Variants in NALF1 observed in about 807,000 individuals in gnomAD.
NALF1 encodes the protein family with sequence similarity 155 member A.
In NALF1, 3 loss-of-function variants were observed where a neutral mutation model predicts 48.4. That is an observed-to-expected ratio of 0.06 (90% CI 0.03 to 0.16). NALF1 has a LOEUF of 0.16. Among genes scored for constraint, NALF1 ranks in the 10% least tolerant of loss-of-function variants. The pLI is 1.00. For missense variants in NALF1, 526 were observed against 571.5 expected (o/e 0.92, Z 0.81); for synonymous variants, 262 against 245.7 (o/e 1.07, Z -0.62).
intron 1 of NALF1, among the ~76,000 whole-genome samples, chr13:107,449,248 A>G (rs1308749381): frequency 2.0e-5 from 3 of 152,100 alleles, no homozygotes; most frequent in African/African-American, 7.2e-5. Flanking sequence ...TGTCTCAAAA[A>G]AAGAATAAAA....
At chr13:107,786,188 G>A (rs761708826) in intron 1 of NALF1, among the ~76,000 whole-genome samples, 2 of 151,686 alleles carry the variant, frequency 1.3e-5, no homozygotes, top group East Asian at 1.9e-4. Context: ...AGGCTGAGGC[G>A]GGCAGATCAT....
At chr13:107,385,205 T>C (rs1206267061) in intron 1 of NALF1, among the ~76,000 whole-genome samples, 1 of 152,206 alleles carries the variant, frequency 6.6e-6, no homozygotes, top group Non-Finnish European at 1.5e-5. Context: ...TATTTCCTCC[T>C]CCTTTGGTTC....
Position 107,641,314 on chromosome 13 carries a change from C to T in NALF1, c.915+224368G>A, listed in dbSNP as rs114045996. ...ATGGGTATGAAAATACCATTCGATA[C>T]AAGGAGTAAGTTCTAGTATTCAACA... On this transcript the variant is annotated intron_variant, in intron 1 of 2. Coordinates refer to ENST00000375915, the MANE Select transcript of NALF1 (RefSeq NM_001080396.3). 5.3e-3 allele frequency among the ~76,000 whole-genome samples: 801 copies of T among 152,144 alleles called. 7 individuals carry two copies. Among genetic ancestry groups the T allele is most frequent in the African/African-American group, 0.018 (767 of 41,504 alleles).
intron 1 of NALF1, among the ~76,000 whole-genome samples, chr13:107,412,722 C>T (rs1884013190): frequency 6.6e-6 from 1 of 152,142 alleles, no homozygotes; most frequent in African/African-American, 2.4e-5. Context: ...AGAATATTTA[C>T]AATAGTATCG....
intron 2 of NALF1, 111 bp from the exon 3 acceptor site, chr13:107,170,897 A>G: frequency 1.0e-6 from 1 of 961,158 alleles, no homozygotes; most frequent in Non-Finnish European, 1.5e-6. Context: ...AGGCAATTAG[A>G]CATTTATTTA....
At chr13:107,862,368 A>G (rs2138651093) in intron 1 of NALF1, among the ~76,000 whole-genome samples, 1 of 152,208 alleles carries the variant, frequency 6.6e-6, no homozygotes, top group South Asian at 2.1e-4. Context: ...AGAATATTTC[A>G]TTTTTTAATA....
At chr13:107,689,247 G>A (rs763770790) in intron 1 of NALF1, among the ~76,000 whole-genome samples, 26 of 152,054 alleles carry the variant, frequency 1.7e-4, no homozygotes, top group Non-Finnish European at 3.1e-4. Flanking sequence ...TCATCTGTTC[G>A]CCCTCTTCCA....
Position 107,807,292 on chromosome 13 carries a change from T to C in NALF1, c.915+58390A>G, listed in dbSNP as rs58047155. On this transcript the variant is annotated intron_variant, in intron 1 of 2. Coordinates refer to ENST00000375915, the MANE Select transcript of NALF1 (RefSeq NM_001080396.3). ...CCAACTATTACCATGCATAAAAATA[T>C]ACTGTCATGCATTTTTGTATAATAT... 2.7e-3 allele frequency among the ~76,000 whole-genome samples: 415 copies of C among 152,310 alleles called. 1 individual carries two copies. Among genetic ancestry groups the C allele is most frequent in the African/African-American group, 8.6e-3 (359 of 41,576 alleles).
chr13:107,661,132 T>C (rs779584569), intron 1 of NALF1, among the ~76,000 whole-genome samples: 10 of 152,184 alleles, frequency 6.6e-5, no homozygotes, highest in Non-Finnish European at 1.0e-4. Flanking sequence ...TTCTAAATTC[T>C]AGGAACTTTC....
At chr13:107,320,542 C>G (rs1460304627) in intron 1 of NALF1, among the ~76,000 whole-genome samples, 2 of 151,964 alleles carry the variant, frequency 1.3e-5, no homozygotes, top group African/African-American at 2.4e-5. Flanking sequence ...CATGATGAAC[C>G]TAGAATGGGT....
At chr13:107,835,455 G>A (rs993551476) in intron 1 of NALF1, 6 of 152,286 alleles carry the variant, frequency 3.9e-5, no homozygotes, top group Admixed American at 2.6e-4. Context: ...AAAGCAGGAG[G>A]AATAAACCTC....
At chr13:107,853,695 A>G (rs139136875) in intron 1 of NALF1, among the ~76,000 whole-genome samples, 2,396 of 152,356 alleles carry the variant, frequency 0.016, 23 homozygotes, top group Non-Finnish European at 0.023. Flanking sequence ...TAAGACATAA[A>G]TATCAATAGA....
At chr13:107,283,848 CG>C (rs1299239247) in intron 1 of NALF1, among the ~76,000 whole-genome samples, 1 of 151,556 alleles carries the variant, frequency 6.6e-6, no homozygotes, top group Non-Finnish European at 1.5e-5. Context: ...TTAGTAGAGA[CG>C]GGGGTTTCAC....
intron 1 of NALF1, among the ~76,000 whole-genome samples, chr13:107,254,679 T>C (rs1467235171): frequency 6.6e-6 from 1 of 152,218 alleles, no homozygotes. Context: ...TGACATAACC[T>C]ACACAAGACT....
chr13:107,562,387 G>A (rs1187713330), intron 1 of NALF1, among the ~76,000 whole-genome samples: 3 of 152,182 alleles, frequency 2.0e-5, no homozygotes, highest in African/African-American at 7.2e-5. Context: ...CTGATCACAG[G>A]ACTGTTCTGG....
At chr13:107,441,456 G>A (rs563645157) in intron 1 of NALF1, among the ~76,000 whole-genome samples, 1 of 152,302 alleles carries the variant, frequency 6.6e-6, no homozygotes, top group South Asian at 2.1e-4. Flanking sequence ...TCTGCTGTGA[G>A]TAATACCGAA....
chr13:107,519,290 GT>G (rs1271147650), intron 1 of NALF1, among the ~76,000 whole-genome samples: 1 of 151,736 alleles, frequency 6.6e-6, no homozygotes, highest in African/African-American at 2.4e-5. Flanking sequence ...TAACAATAAA[GT>G]TGTATTGTGC....
intron 1 of NALF1, among the ~76,000 whole-genome samples, chr13:107,215,978 G>A (rs372260698): frequency 3.3e-4 from 50 of 152,244 alleles, no homozygotes; most frequent in African/African-American, 1.2e-3. Flanking sequence ...AAAATATCAT[G>A]TTGGCTATAT....
At chr13:107,833,364 T>C (rs1300959562) in intron 1 of NALF1, among the ~76,000 whole-genome samples, 1 of 152,202 alleles carries the variant, frequency 6.6e-6, no homozygotes, top group East Asian at 1.9e-4. Context: ...ATAAGCTCTC[T>C]GTTGTCCAAT....
Sources: allele counts gnomAD v4.1 joint callset (sites outside exome capture counted in the v4.1 genomes callset), GRCh38; gene constraint gnomAD v4.1.1; transcripts MANE v1.5; gene names NCBI Gene and HGNC (gene_info 2026-07-23, HGNC 2026-07-21).